Variants in PRMT3 observed in about 807,000 individuals in gnomAD.
PRMT3 encodes protein arginine N-methyltransferase 3.
In PRMT3, 62 loss-of-function variants were observed where a neutral mutation model predicts 71.9. That is an observed-to-expected ratio of 0.86 (90% CI 0.70 to 1.07). The LOEUF is 1.07. Among genes scored for constraint, PRMT3 ranks in the 50% least tolerant of loss-of-function variants. The pLI is 0.00. For synonymous variants in PRMT3, 213 were observed against 220.4 expected, an observed-to-expected ratio of 0.97 and a Z score of 0.30; for missense variants, 663 against 643.0, an observed-to-expected ratio of 1.03 and a Z score of -0.34.
chr11:20,392,343 G>C (rs1177340503), intron 4 of PRMT3, 83 bp downstream of exon 4: 1 of 1,360,540 alleles, frequency 7.4e-7, no homozygotes, highest in Non-Finnish European at 9.9e-7. Flanking sequence ...TTATTTAAAA[G>C]AATATGAGGA....
chr11:20,506,503 T>C (rs1851594294), intron 15 of PRMT3, among the ~76,000 whole-genome samples: 1 of 152,232 alleles, frequency 6.6e-6, no homozygotes, highest in African/African-American at 2.4e-5. Context: ...TCACCTTTTT[T>C]GCAAAGATGT....
At chr11:20,409,729 TATAG>T (rs1410139056) in intron 9 of PRMT3, among the ~76,000 whole-genome samples, 2 of 151,576 alleles carry the variant, frequency 1.3e-5, no homozygotes, top group Non-Finnish European at 2.9e-5. Context: ...CATACATATA[TATAG>T]ATAGATATCT....
At chr11:20,420,955 A>G (rs911157941) in intron 9 of PRMT3, among the ~76,000 whole-genome samples, 1 of 152,270 alleles carries the variant, frequency 6.6e-6, no homozygotes, top group African/African-American at 2.4e-5. Context: ...GAATACATAC[A>G]TTAGAAAGAA....
intron 5 of PRMT3, among the ~76,000 whole-genome samples, chr11:20,395,113 C>T (rs956299258): frequency 1.3e-5 from 2 of 152,058 alleles, no homozygotes; most frequent in Non-Finnish European, 2.9e-5. Context: ...TACATCTTAA[C>T]TGTGTTTTGA....
chr11:20,400,535 C>T (rs1848926085), intron 7 of PRMT3, among the ~76,000 whole-genome samples: 3 of 152,220 alleles, frequency 2.0e-5, no homozygotes, highest in Middle Eastern at 6.8e-3. Flanking sequence ...TTCTGTTGTA[C>T]ATTTATCACA....
At chr11:20,475,652 CTTTTTT>C (rs59969495) in intron 13 of PRMT3, among the ~76,000 whole-genome samples, 6 of 100,542 alleles carry the variant, frequency 6.0e-5, no homozygotes, top group African/African-American at 1.1e-4. Context: ...TACTTAATGT[CTTTTTT>C]TTTTTTTTTT....
intron 10 of PRMT3, among the ~76,000 whole-genome samples, chr11:20,446,344 G>T (rs1400863454): frequency 1.1e-4 from 10 of 88,354 alleles, no homozygotes; most frequent in Non-Finnish European, 2.1e-4. Flanking sequence ...TTTTCTTTTG[G>T]GTTGCATACT....
At chr11:20,504,707 T>TGTGTGTGTGAGA (rs1332372470) in intron 15 of PRMT3, among the ~76,000 whole-genome samples, 40 of 133,646 alleles carry the variant, frequency 3.0e-4, no homozygotes, top group African/African-American at 1.1e-3. Flanking sequence ...TGTGTGTGTG[T>TGTGTGTGTGAGA]GAGAGAGAGA....
intron 11 of PRMT3, among the ~76,000 whole-genome samples, chr11:20,457,284 G>A (rs926012142): frequency 8.6e-5 from 13 of 151,816 alleles, no homozygotes; most frequent in East Asian, 1.9e-4. Context: ...AACAAGTACC[G>A]TTTACCTTAG....
At position 20,414,278 on chromosome 11, in the gene PRMT3, A is replaced by G. The variant is rs115580440; in HGVS notation, c.893+6246A>G. 5.4e-3 allele frequency among the ~76,000 whole-genome samples: 816 copies of G among 152,256 alleles called. 11 individuals are homozygous for G. The highest frequency in any genetic ancestry group is 0.019 in the African/African-American group (786 of 41,550). On this transcript the variant is annotated intron_variant, in intron 9 of 15. Coordinates refer to ENST00000331079, the MANE Select transcript of PRMT3 (RefSeq NM_005788.4). ...TCTAAAGAAATGAGTTTAGAATTGG[A>G]TACATTTTGGTTGTTACTGTAAACT... is the stretch of plus-strand genomic sequence containing the variant.
At chr11:20,407,775 C>A in intron 8 of PRMT3, 136 bp from the exon 9 acceptor site, 1 of 827,166 alleles carries the variant, frequency 1.2e-6, no homozygotes, top group Non-Finnish European at 1.8e-6. Flanking sequence ...AGGCGTGAGC[C>A]ACCGCGCCTG....
At chr11:20,468,006 T>C (rs1481535774) in intron 13 of PRMT3, among the ~76,000 whole-genome samples, 3 of 152,168 alleles carry the variant, frequency 2.0e-5, no homozygotes, top group African/African-American at 7.2e-5. Context: ...AGTCGCCCAG[T>C]TTATGTGGGA....
At chr11:20,422,501 A>T (rs975392966) in intron 9 of PRMT3, among the ~76,000 whole-genome samples, 6 of 152,166 alleles carry the variant, frequency 3.9e-5, no homozygotes, top group Admixed American at 3.9e-4. Flanking sequence ...ACTGACATTT[A>T]TTAGAAACTA....
At chr11:20,427,970 T>G (rs1849583303) in intron 10 of PRMT3, among the ~76,000 whole-genome samples, 1 of 152,236 alleles carries the variant, frequency 6.6e-6, no homozygotes, top group Admixed American at 6.5e-5. Context: ...AAATAGATGT[T>G]TCAAGGAACT....
intron 9 of PRMT3, among the ~76,000 whole-genome samples, chr11:20,412,099 T>C (rs778094909): frequency 2.0e-4 from 31 of 152,204 alleles, no homozygotes; most frequent in Non-Finnish European, 4.0e-4. Context: ...ACCAAGCTTG[T>C]ACTCTAGTTG....
chr11:20,434,450 T>C (rs1480432392), intron 10 of PRMT3, among the ~76,000 whole-genome samples: 1 of 152,212 alleles, frequency 6.6e-6, no homozygotes, highest in East Asian at 1.9e-4. Flanking sequence ...AATCTTTGCC[T>C]GTTCCTATGT....
chr11:20,398,051 T>G (rs1848868245), intron 7 of PRMT3, among the ~76,000 whole-genome samples: 1 of 150,322 alleles, frequency 6.7e-6, no homozygotes, highest in Non-Finnish European at 1.5e-5. Context: ...GAGGCATCAG[T>G]CATTTGTACA....
At chr11:20,432,011 T>C (rs1176356420) in intron 10 of PRMT3, among the ~76,000 whole-genome samples, 2 of 152,064 alleles carry the variant, frequency 1.3e-5, no homozygotes, top group African/African-American at 4.8e-5. Flanking sequence ...AAGAATAAAA[T>C]GAAAGCAAAG....
chr11:20,491,774 G>C (rs1330018460), intron 13 of PRMT3, among the ~76,000 whole-genome samples: 1 of 152,240 alleles, frequency 6.6e-6, no homozygotes, highest in East Asian at 1.9e-4. Context: ...TTTGCTGTGT[G>C]GGTTTGGATC....
Sources: gnomAD v4.1 joint callset for allele counts (sites outside exome capture counted in the v4.1 genomes callset) on GRCh38, gnomAD v4.1.1 for gene constraint, MANE v1.5 for transcripts, NCBI Gene and HGNC (gene_info 2026-07-23, HGNC 2026-07-21) for gene names.